The following COL25A1 variants were observed in gnomAD, a reference collection of about 807,000 sequenced individuals.
COL25A1 encodes collagen alpha-1(XXV) chain.
Under a neutral mutation model 128.4 loss-of-function variants are expected in COL25A1, and 103 were observed. The ratio of observed to expected loss-of-function variants is 0.80; its 90% CI spans 0.68 to 0.94. The LOEUF (loss-of-function observed/expected upper bound fraction) is 0.94, where lower values mean the gene tolerates loss of function less well. Among genes scored for constraint, COL25A1 ranks in the 40% least tolerant of loss-of-function variants. COL25A1 has a pLI of 0.00. For synonymous variants in COL25A1, 279 were observed against 277.2 expected, an observed-to-expected ratio of 1.01 and a Z score of -0.06; for missense variants, 745 against 840.0, an observed-to-expected ratio of 0.89 and a Z score of 1.40.
chr4:108,866,824 T>C (rs1466077612), intron 20 of COL25A1, among the ~76,000 whole-genome samples: 1 of 152,198 alleles, frequency 6.6e-6, no homozygotes, highest in Non-Finnish European at 1.5e-5. Flanking sequence ...ATAATACCGA[T>C]GATGTGTGTA....
At chr4:109,203,002 A>C (rs1776695971) in intron 3 of COL25A1, among the ~76,000 whole-genome samples, 3 of 152,232 alleles carry the variant, frequency 2.0e-5, no homozygotes, top group African/African-American at 7.2e-5. Flanking sequence ...GGGTGTAAAA[A>C]AAATCAAAGA....
At chr4:108,899,294 C>A in intron 14 of COL25A1, 114 bp from the exon 15 acceptor site, 1 of 863,936 alleles carries the variant, frequency 1.2e-6, no homozygotes, top group Non-Finnish European at 1.8e-6. Context: ...ATGACATTTT[C>A]TATTTTGGCT....
intron 3 of COL25A1, among the ~76,000 whole-genome samples, chr4:109,161,906 A>T (rs185697394): frequency 1.3e-5 from 2 of 152,348 alleles, no homozygotes; most frequent in Non-Finnish European, 2.9e-5. Flanking sequence ...ATGAAGAAGT[A>T]GTTCACTCCA....
At chr4:109,078,417 T>C (rs1763564111) in intron 3 of COL25A1, among the ~76,000 whole-genome samples, 1 of 152,186 alleles carries the variant, frequency 6.6e-6, no homozygotes, top group African/African-American at 2.4e-5. Flanking sequence ...CAAGTCTGCA[T>C]TTTTCTTTAA....
intron 3 of COL25A1, among the ~76,000 whole-genome samples, chr4:109,053,957 C>A (rs1329244141): frequency 6.6e-6 from 1 of 152,060 alleles, no homozygotes; most frequent in Admixed American, 6.5e-5. Flanking sequence ...GTCATAAATA[C>A]CCGAGAATAG....
chr4:108,975,058 C>T (rs1752301268), intron 6 of COL25A1, among the ~76,000 whole-genome samples: 3 of 152,302 alleles, frequency 2.0e-5, no homozygotes, highest in South Asian at 4.1e-4. Flanking sequence ...ATTGTTCTTA[C>T]TGCTTTATAA....
In COL25A1 at chr4:108,824,962, C is replaced by G. The variant is rs1732193767; in HGVS notation, c.1791+234G>C. On this transcript the variant is annotated intron_variant, in intron 34 of 37. Coordinates refer to ENST00000399132, the MANE Select transcript of COL25A1 (RefSeq NM_198721.4). Reference sequence around the variant, plus strand: ...CAATTTGGGAAAGTATTTTGAAGTGCCACTATCCACTACCAGTTATTAATT... The same window carrying G: ...CAATTTGGGAAAGTATTTTGAAGTGGCACTATCCACTACCAGTTATTAATT... Among the ~76,000 whole-genome samples, 6 of 152,162 alleles carry G rather than the reference C, an allele frequency of 3.9e-5. No individual in the cohort carries two copies. In the South Asian group the frequency reaches 1.2e-3, roughly 32 times the overall value.
Position 109,143,055 on chromosome 4 carries a change from C to T in COL25A1, c.368-92876G>A, listed in dbSNP as rs542194395. Among the ~76,000 whole-genome samples the T allele has an allele frequency of 6.6e-5, 10 of 152,226 alleles. No individual in the cohort carries two copies. In the South Asian group the frequency reaches 1.9e-3, roughly 28 times the overall value. ...TTTGCAGTGGCTGGTACTGGTTTTC[C>T]CTTTCCATATTTAGGGCCTCCTTCA... On this transcript the variant is annotated intron_variant, in intron 3 of 37. Coordinates refer to ENST00000399132, the MANE Select transcript of COL25A1 (RefSeq NM_198721.4).
chr4:108,981,266 T>C (rs1752945238), intron 6 of COL25A1, among the ~76,000 whole-genome samples: 1 of 152,254 alleles, frequency 6.6e-6, no homozygotes, highest in Non-Finnish European at 1.5e-5. Flanking sequence ...TGTGAACATG[T>C]GTTCTTTCGA....
chr4:108,855,987 G>A (rs1188028820), intron 24 of COL25A1, among the ~76,000 whole-genome samples: 1 of 152,164 alleles, frequency 6.6e-6, no homozygotes, highest in Non-Finnish European at 1.5e-5. Context: ...GGTGGTGATG[G>A]AGAAAGACAT....
intron 3 of COL25A1, among the ~76,000 whole-genome samples, chr4:109,240,462 T>A (rs1481480041): frequency 6.6e-6 from 1 of 152,064 alleles, no homozygotes; most frequent in African/African-American, 2.4e-5. Context: ...GTGGCATCCT[T>A]AAACTTTCAG....
Position 108,810,683 on chromosome 4 carries a change from T to C in COL25A1, c.*3244A>G, listed in dbSNP as rs970162849. 1.2e-4 allele frequency: 18 copies of C among 151,990 alleles called. No individual in the cohort carries two copies. Among genetic ancestry groups the C allele is most frequent in the Non-Finnish European group, 2.4e-4 (16 of 67,848 alleles). The allele number at this position is 151,990 out of a possible 1,614,324, so 9.4% of individuals were successfully genotyped here. On this transcript the variant is annotated 3_prime_UTR_variant, in exon 38 of 38. Transcript: ENST00000399132. ...ACACATGAAAGTAGATAAAGGCATA[T>C]GATGTATGAAATGAATATGAAATAG...
intron 14 of COL25A1, among the ~76,000 whole-genome samples, chr4:108,900,624 A>G (rs1490570296): frequency 6.6e-6 from 1 of 152,192 alleles, no homozygotes; most frequent in Non-Finnish European, 1.5e-5. Context: ...CTATTTGGTA[A>G]TTCAGACTAC....
intron 3 of COL25A1, among the ~76,000 whole-genome samples, chr4:109,187,544 C>T (rs1775252549): frequency 6.6e-6 from 1 of 152,156 alleles, no homozygotes. Context: ...ATGCTAAAAA[C>T]AGTAGCTGGT....
intron 33 of COL25A1, among the ~76,000 whole-genome samples, chr4:108,825,437 G>A (rs1011159779): frequency 3.3e-5 from 5 of 151,970 alleles, no homozygotes; most frequent in Admixed American, 2.0e-4. Context: ...TTAATATTTT[G>A]CTGATGTTTA....
intron 3 of COL25A1, among the ~76,000 whole-genome samples, chr4:109,198,744 A>C (rs1167920891): frequency 6.6e-6 from 1 of 152,200 alleles, no homozygotes; most frequent in Non-Finnish European, 1.5e-5. Flanking sequence ...TTATGCCCAC[A>C]CTTACAATGG....
At chr4:109,124,333 A>T (rs1768387058) in intron 3 of COL25A1, among the ~76,000 whole-genome samples, 1 of 152,064 alleles carries the variant, frequency 6.6e-6, no homozygotes. Context: ...CTATGCAATT[A>T]TGTGGGCAAA....
intron 6 of COL25A1, among the ~76,000 whole-genome samples, chr4:108,985,633 A>T (rs76027936): frequency 5.4e-4 from 83 of 152,344 alleles, no homozygotes; most frequent in Non-Finnish European, 1.1e-3. Context: ...TCCTCAAGGC[A>T]TAAGAGAGGA....
rs528854725 is a variant in COL25A1, at chr4:109,174,797, T to C, written c.368-124618A>G. ...ATTAAACACTCACCTTTTGTTCTTA[T>C]AGACTAGGGGTCCTCAAAGCCAAGG... On this transcript the variant is annotated intron_variant, in intron 3 of 37. Transcript: ENST00000399132. Among the ~76,000 whole-genome samples the C allele has an allele frequency of 3.9e-5, 6 of 152,310 alleles. No homozygotes were observed. In the South Asian group the frequency reaches 1.0e-3, roughly 26 times the overall value.
Sources: gnomAD v4.1 joint callset for allele counts (sites outside exome capture counted in the v4.1 genomes callset) on GRCh38, gnomAD v4.1.1 for gene constraint, MANE v1.5 for transcripts, NCBI Gene and HGNC (gene_info 2026-07-23, HGNC 2026-07-21) for gene names.